COL11A1: variants seen among roughly 807,000 people sequenced by gnomAD.
COL11A1 encodes the protein collagen type XI alpha 1 chain.
In COL11A1, 74 loss-of-function variants were observed where a neutral mutation model predicts 265.2. The ratio of observed to expected loss-of-function variants is 0.28; its 90% CI spans 0.23 to 0.34. The LOEUF (loss-of-function observed/expected upper bound fraction) is 0.34, where lower values mean the gene tolerates loss of function less well. Ranked by LOEUF, COL11A1 falls within the 10% of genes least tolerant of loss-of-function variation. COL11A1 has a pLI of 1.00. For missense variants in COL11A1, 2,165 were observed against 2,263.6 expected, an observed-to-expected ratio of 0.96 and a Z score of 0.88; for synonymous variants, 816 against 727.6, an observed-to-expected ratio of 1.12 and a Z score of -1.96.
chr1:103,005,914 AT>A, intron 17 of COL11A1, 23 bp from the exon 18 acceptor site: 2 of 1,613,568 alleles, frequency 1.2e-6, no homozygotes, highest in South Asian at 1.1e-5. Context: ...CATCATCATC[AT>A]CATCATCATC....
chr1:102,988,964 T>C (rs1412436320), intron 29 of COL11A1, among the ~76,000 whole-genome samples: 3 of 152,264 alleles, frequency 2.0e-5, no homozygotes, highest in Admixed American at 2.0e-4. Flanking sequence ...TAGGTACTAG[T>C]ATATTACTTA....
chr1:103,026,540 G>T (rs1667533884), intron 5 of COL11A1, among the ~76,000 whole-genome samples: 1 of 152,130 alleles, frequency 6.6e-6, no homozygotes, highest in African/African-American at 2.4e-5. Flanking sequence ...CATTTCCTAT[G>T]AGCAGAATAG....
At chr1:103,074,063 C>T (rs558699173) in intron 4 of COL11A1, among the ~76,000 whole-genome samples, 3 of 151,932 alleles carry the variant, frequency 2.0e-5, no homozygotes, top group East Asian at 3.9e-4. Context: ...GTTGTCATAT[C>T]CAATGATTGG....
chr1:102,898,171 T>C lies in COL11A1; in HGVS notation c.4256A>G (p.Gln1419Arg). ...TTGGCCTGCAGCTCCAGGGAGACCT[T>C]GTTCTCCCTAGAGAAAATAAAAATG... Reference protein sequence around the residue: ...LRGIPGPVGEQGLPGAAGQDG... With the variant: ...LRGIPGPVGERGLPGAAGQDG... The change falls in exon 57 of 67, where the codon CAA (glutamine) becomes CGA (arginine). Residue 1419 changes from glutamine to arginine, a missense_variant. Coordinates refer to ENST00000370096, the MANE Select transcript of COL11A1 (RefSeq NM_001854.4). The C allele has an allele frequency of 7.0e-7, 1 of 1,429,710 alleles. No homozygotes were observed. Among genetic ancestry groups the C allele is most frequent in the Non-Finnish European group, 9.3e-7 (1 of 1,076,538 alleles). 88.6% of individuals were successfully genotyped at this position (1,429,710 alleles called of 1,614,324 possible).
intron 5 of COL11A1, among the ~76,000 whole-genome samples, chr1:103,030,332 AC>A (rs1667878168): frequency 6.6e-6 from 1 of 152,080 alleles, no homozygotes; most frequent in African/African-American, 2.4e-5. Flanking sequence ...TCAAAAACAT[AC>A]TTCTAGCATT....
chr1:102,920,213 T>C, intron 49 of COL11A1, 98 bp downstream of exon 49: 1 of 1,087,384 alleles, frequency 9.2e-7, no homozygotes, highest in Non-Finnish European at 1.4e-6. Flanking sequence ...TGTAAAAGGC[T>C]TAGAAACACA....
chr1:102,892,667 G>A (rs115342627), intron 57 of COL11A1, among the ~76,000 whole-genome samples: 8,504 of 152,114 alleles, frequency 0.056, 297 homozygotes, highest in Non-Finnish European at 0.081. Context: ...GTGAATATCA[G>A]GAAAGAGCAA....
chr1:102,946,054 A>G (rs1015967327), intron 42 of COL11A1, among the ~76,000 whole-genome samples: 1 of 140,814 alleles, frequency 7.1e-6, no homozygotes, highest in Non-Finnish European at 1.5e-5. Flanking sequence ...GGAAATCATC[A>G]TTCTCAGTAA....
chr1:103,064,428 T>A (rs566522870), intron 4 of COL11A1, among the ~76,000 whole-genome samples: 2 of 152,022 alleles, frequency 1.3e-5, no homozygotes, highest in African/African-American at 4.8e-5. Flanking sequence ...CGGTGGCTCA[T>A]GCCTGTAATC....
rs188848853 is a variant in COL11A1 at position 102,885,011 on chromosome 1, G to A, written c.4859-1700C>T. ...GTTCTACCCCGTACCTGGGAGGATG[G>A]AATACTACAACACAGGCCAGGGAGT... On this transcript the variant is annotated intron_variant, in intron 63 of 66. Transcript: ENST00000370096. Among the ~76,000 whole-genome samples, 10 of 152,264 alleles carry A rather than the reference G, an allele frequency of 6.6e-5. No individual in the cohort carries two copies. In the East Asian group the frequency reaches 1.9e-3, roughly 29 times the overall value.
chr1:103,073,410 T>A (rs1571217288), intron 4 of COL11A1, among the ~76,000 whole-genome samples: 2 of 151,956 alleles, frequency 1.3e-5, no homozygotes, highest in Admixed American at 1.3e-4. Flanking sequence ...AGAAATTATA[T>A]TAATATTTAT....
chr1:103,012,006 C>T (rs1043720847), intron 14 of COL11A1, among the ~76,000 whole-genome samples: 14 of 152,046 alleles, frequency 9.2e-5, no homozygotes, highest in African/African-American at 3.4e-4. Context: ...CTTGCTTGCC[C>T]TAAGATTGTG....
chr1:102,935,985 A>G (rs375081136), intron 44 of COL11A1, among the ~76,000 whole-genome samples: 2 of 152,268 alleles, frequency 1.3e-5, no homozygotes, highest in South Asian at 4.1e-4. Context: ...GTTGCTGGTA[A>G]CTTAGCGCTT....
intron 7 of COL11A1, among the ~76,000 whole-genome samples, chr1:103,024,511 G>T (rs558183906): frequency 6.6e-6 from 1 of 151,936 alleles, no homozygotes; most frequent in African/African-American, 2.4e-5. Flanking sequence ...TCCAATAACC[G>T]TAATTTTTTT....
intron 35 of COL11A1, among the ~76,000 whole-genome samples, chr1:102,975,182 T>C (rs1662347856): frequency 6.6e-6 from 1 of 152,062 alleles, no homozygotes; most frequent in Non-Finnish European, 1.5e-5. Context: ...TGAGAAGTTC[T>C]GCAGTGTCTT....
chr1:103,054,379 G>A (rs1670059070), intron 4 of COL11A1, among the ~76,000 whole-genome samples: 1 of 152,092 alleles, frequency 6.6e-6, no homozygotes, highest in Non-Finnish European at 1.5e-5. Flanking sequence ...CTGACTCTAT[G>A]CTACTCTAAC....
intron 4 of COL11A1, among the ~76,000 whole-genome samples, chr1:103,033,712 A>C (rs1197822720): frequency 1.3e-5 from 2 of 152,176 alleles, no homozygotes; most frequent in Non-Finnish European, 2.9e-5. Flanking sequence ...GTTAGTGTCC[A>C]GTAATCTTCC....
At chr1:102,910,682 T>TA (rs1557807217) in intron 54 of COL11A1, among the ~76,000 whole-genome samples, 1 of 152,084 alleles carries the variant, frequency 6.6e-6, no homozygotes, top group Non-Finnish European at 1.5e-5. Context: ...TTTTTTTTTT[T>TA]ATTGTGTTAC....
chr1:102,878,846 A>G (rs1310787195), intron 66 of COL11A1, among the ~76,000 whole-genome samples: 30 of 152,094 alleles, frequency 2.0e-4, no homozygotes. Flanking sequence ...CATTATAGTT[A>G]AGATATACAT....
Sources: gnomAD v4.1 joint callset for allele counts (sites outside exome capture counted in the v4.1 genomes callset) on GRCh38, gnomAD v4.1.1 for gene constraint, MANE v1.5 for transcripts, NCBI Gene and HGNC (gene_info 2026-07-23, HGNC 2026-07-21) for gene names.